PPP2R2C: variants seen among roughly 807,000 people sequenced by gnomAD.
PPP2R2C encodes the protein protein phosphatase 2, regulatory subunit B, gamma.
A neutral mutation model predicts 45.3 loss-of-function variants in PPP2R2C; 10 were observed. That is an observed-to-expected ratio of 0.22 (90% CI 0.14 to 0.37). PPP2R2C has a LOEUF of 0.37. Ranked by LOEUF, PPP2R2C falls within the 10% of genes least tolerant of loss-of-function variation. PPP2R2C has a pLI of 1.00. For synonymous variants in PPP2R2C, 257 were observed against 245.4 expected, an observed-to-expected ratio of 1.05 and a Z score of -0.44; for missense variants, 308 against 619.7, an observed-to-expected ratio of 0.50 and a Z score of 5.34.
chr4:6,390,112 G>A (rs1389946791), intron 1 of PPP2R2C, among the ~76,000 whole-genome samples: 2 of 152,166 alleles, frequency 1.3e-5, no homozygotes, highest in Non-Finnish European at 2.9e-5. Context: ...ATTCTGCCAG[G>A]GATGCAGCTT....
chr4:6,329,123 G>A lies in PPP2R2C; in HGVS notation c.1052+139C>T, dbSNP rs1732190231. ...GAGAGTTGGACCTGCTCTGGAAAGC[G>A]TGGGCTTCACCCAGACACCTGGACC... On this transcript the variant is annotated intron_variant, in intron 8 of 8. Coordinates refer to ENST00000382599, the MANE Select transcript of PPP2R2C (RefSeq NM_020416.4). This position sits in a 1 kb window ranked among gnomAD's most constrained non-coding sequence, Gnocchi z 5.8. The A allele has an allele frequency of 9.7e-6, 7 of 718,880 alleles. No homozygotes were observed. The highest frequency in any genetic ancestry group is 2.7e-5 in the East Asian group (1 of 36,852). The allele number at this position is 718,880 out of a possible 1,614,324, so 44.5% of individuals were successfully genotyped here.
At chr4:6,525,948 C>T (rs1724183919) in intron 2 of PPP2R2C, among the ~76,000 whole-genome samples, 2 of 152,302 alleles carry the variant, frequency 1.3e-5, no homozygotes, top group South Asian at 2.1e-4. Flanking sequence ...ATGATCTGCC[C>T]GCCTCAGCCT....
At chr4:6,434,758 T>C (rs1029109252) in intron 1 of PPP2R2C, among the ~76,000 whole-genome samples, 3 of 149,696 alleles carry the variant, frequency 2.0e-5, no homozygotes, top group African/African-American at 7.4e-5. Flanking sequence ...ATCATGGTAA[T>C]ATCAGCTATT....
At chr4:6,543,972 T>C (rs1365233693) in intron 1 of PPP2R2C, among the ~76,000 whole-genome samples, 1 of 152,184 alleles carries the variant, frequency 6.6e-6, no homozygotes, top group Non-Finnish European at 1.5e-5. Context: ...CCTTCACTCA[T>C]CCAAGGATCT....
At chr4:6,400,739 A>G (rs1055213508) in intron 1 of PPP2R2C, among the ~76,000 whole-genome samples, 21 of 152,252 alleles carry the variant, frequency 1.4e-4, no homozygotes, top group African/African-American at 4.8e-4. Context: ...GGCTTATGCC[A>G]TTCATCACAA....
At chr4:6,525,140 C>T (rs144313832) in intron 2 of PPP2R2C, among the ~76,000 whole-genome samples, 1,735 of 152,232 alleles carry the variant, frequency 0.011, 43 homozygotes, top group African/African-American at 0.04. Flanking sequence ...CGTGGTGGCA[C>T]ACACCTGTAA....
intron 1 of PPP2R2C, among the ~76,000 whole-genome samples, chr4:6,425,044 G>A (rs1263340417): frequency 3.9e-5 from 6 of 152,166 alleles, no homozygotes; most frequent in African/African-American, 7.2e-5. Context: ...AGCTTAGCAC[G>A]TGCCTGGCAG....
At chr4:6,461,056 C>T (rs960602091) in intron 1 of PPP2R2C, among the ~76,000 whole-genome samples, 1 of 152,116 alleles carries the variant, frequency 6.6e-6, no homozygotes, top group African/African-American at 2.4e-5. Context: ...CTGCTGCAGC[C>T]GAAGCCCGGA....
chr4:6,470,826 AC>A (rs1212144856), intron 1 of PPP2R2C, among the ~76,000 whole-genome samples: 1 of 151,658 alleles, frequency 6.6e-6, no homozygotes, highest in Non-Finnish European at 1.5e-5. Context: ...CCTCTCTCGC[AC>A]ACACCCGGCG....
upstream of PPP2R2C, among the ~76,000 whole-genome samples, chr4:6,473,922 T>C (rs1486803033): frequency 6.6e-6 from 1 of 152,192 alleles, no homozygotes; most frequent in Admixed American, 6.5e-5. Flanking sequence ...CAGGCTGTCA[T>C]GCAAGGGCTG....
At chr4:6,457,207 CAAA>C (rs34145628) in intron 1 of PPP2R2C, among the ~76,000 whole-genome samples, 165 of 88,798 alleles carry the variant, frequency 1.9e-3, no homozygotes, top group African/African-American at 7.0e-3. Flanking sequence ...GACTCCATCT[CAAA>C]AAAAAAAAAA....
chr4:6,519,434 C>T (rs1007433500), intron 2 of PPP2R2C, among the ~76,000 whole-genome samples: 1 of 152,186 alleles, frequency 6.6e-6, no homozygotes, highest in South Asian at 2.1e-4. Context: ...CCACCCAGGC[C>T]CCACGGGACA....
chr4:6,474,805 C>T (rs933441689), upstream of PPP2R2C, among the ~76,000 whole-genome samples: 4 of 151,136 alleles, frequency 2.6e-5, no homozygotes, highest in African/African-American at 7.3e-5. Flanking sequence ...AGCCCTCCCC[C>T]TCCAGCACAA....
intron 5 of PPP2R2C, chr4:6,349,087 G>A: frequency 1.0e-6 from 1 of 985,332 alleles, no homozygotes; most frequent in South Asian, 4.7e-5. Flanking sequence ...CTTGGAGCAT[G>A]CAAGGACTGG....
At chr4:6,460,253 G>A (rs923222745) in intron 1 of PPP2R2C, among the ~76,000 whole-genome samples, 1 of 152,150 alleles carries the variant, frequency 6.6e-6, no homozygotes, top group African/African-American at 2.4e-5. Flanking sequence ...AAGGTAAAAT[G>A]CAGTCATATG....
chr4:6,554,256 A>G (rs1269684780), intron 1 of PPP2R2C, among the ~76,000 whole-genome samples: 1 of 152,218 alleles, frequency 6.6e-6, no homozygotes, highest in Non-Finnish European at 1.5e-5. Flanking sequence ...ATTTGGACAC[A>G]GAGACAGACA....
chr4:6,348,739 C>A lies in PPP2R2C; in HGVS notation c.626-729G>T, dbSNP rs931573531. On this transcript the variant is annotated intron_variant, in intron 5 of 8. Coordinates refer to ENST00000382599, the MANE Select transcript of PPP2R2C (RefSeq NM_020416.4). ...TATCTGCTGCCAGGACAAGGAGAAA[C>A]CCTGGAGCTTGAGGGTGGGGCAGAC... 5.1e-6 allele frequency: 5 copies of A among 977,718 alleles called. No homozygotes were observed. In the African/African-American group the frequency reaches 8.8e-5, roughly 17 times the overall value. The allele number at this position is 977,718 out of a possible 1,614,324, so 60.6% of individuals were successfully genotyped here. A position where few individuals can be genotyped will look rare whatever the true frequency, so the allele number is the denominator to read the frequency against.
At chr4:6,381,643 T>G (rs1166937797) in intron 1 of PPP2R2C, 1 of 1,499,762 alleles carries the variant, frequency 6.7e-7, no homozygotes, top group East Asian at 2.3e-5. Context: ...CAGGCAGGCC[T>G]CTGGGATCGC....
intron 2 of PPP2R2C, among the ~76,000 whole-genome samples, chr4:6,508,250 GT>G (rs1446538048): frequency 1.3e-5 from 2 of 152,192 alleles, no homozygotes; most frequent in Admixed American, 1.3e-4. Flanking sequence ...ATAATAATTG[GT>G]TACAGCTGGC....
Sources: gnomAD v4.1 joint callset for allele counts (sites outside exome capture counted in the v4.1 genomes callset) on GRCh38, gnomAD v4.1.1 for gene constraint, Gnocchi (gnomAD v3.1) non-coding constraint, MANE v1.5 for transcripts, NCBI Gene and HGNC (gene_info 2026-07-23, HGNC 2026-07-21) for gene names.